Variants in ATP13A5 observed in about 807,000 individuals in gnomAD.
ATP13A5 encodes the protein ATPase 13A5.
A neutral mutation model predicts 150.2 loss-of-function variants in ATP13A5; 149 were observed. That is an observed-to-expected ratio of 0.99 (90% CI 0.87 to 1.14). The LOEUF (loss-of-function observed/expected upper bound fraction) is 1.14, where lower values mean the gene tolerates loss of function less well. Ranked by LOEUF, ATP13A5 falls within the 50% of genes most tolerant of loss-of-function variation. ATP13A5 has a pLI of 0.00. For missense variants in ATP13A5, 1,383 were observed against 1,449.3 expected, an observed-to-expected ratio of 0.95 and a Z score of 0.74; for synonymous variants, 497 against 522.2, an observed-to-expected ratio of 0.95 and a Z score of 0.66.
chr3:193,333,639 T>C (rs1711727662), intron 11 of ATP13A5, 111 bp downstream of exon 11: 2 of 1,124,474 alleles, frequency 1.8e-6, no homozygotes, highest in Non-Finnish European at 2.6e-6. Context: ...TTTTGGACAG[T>C]AATGATTCAC....
intron 21 of ATP13A5, among the ~76,000 whole-genome samples, chr3:193,309,240 A>T (rs1718745107): frequency 6.6e-6 from 1 of 152,210 alleles, no homozygotes; most frequent in South Asian, 2.1e-4. Context: ...GGGGCCAGAT[A>T]AAGGCAAAAT....
At chr3:193,309,002 CA>C (rs1319926638) in intron 21 of ATP13A5, among the ~76,000 whole-genome samples, 2 of 152,134 alleles carry the variant, frequency 1.3e-5, no homozygotes, top group African/African-American at 2.4e-5. Context: ...CAAAATCTAA[CA>C]ATAAAAGGGT....
Position 193,349,449 on chromosome 3 carries a change from G to A in ATP13A5, c.741+1618C>T, listed in dbSNP as rs189415264. 8.5e-5 allele frequency among the ~76,000 whole-genome samples: 13 copies of A among 152,078 alleles called. No homozygotes were observed. The East Asian group carries it at 2.5e-3, about 29-fold the overall frequency. On this transcript the variant is annotated intron_variant, in intron 7 of 29. Transcript: ENST00000342358. ...ACAGGTATTACCTAACTTTGGAAGG[G>A]GAGTTCTTATAAGCAAAACAATAAA...
At chr3:193,299,333 C>G (rs1302195477) in intron 24 of ATP13A5, 130 bp from the exon 25 acceptor site, 11 of 624,118 alleles carry the variant, frequency 1.8e-5, no homozygotes, top group Non-Finnish European at 2.7e-5. Context: ...AAGAAAATGA[C>G]TAACCTAAAA....
chr3:193,307,463 G>A (rs1718662867), intron 21 of ATP13A5, 94 bp from the exon 22 acceptor site: 1 of 1,416,190 alleles, frequency 7.1e-7, no homozygotes, highest in Admixed American at 1.9e-5. Context: ...TGTGATTTGT[G>A]TGTATGTGTG....
intron 9 of ATP13A5, among the ~76,000 whole-genome samples, chr3:193,343,687 A>G (rs553862262): frequency 1.6e-4 from 24 of 150,654 alleles, no homozygotes; most frequent in Non-Finnish European, 2.4e-4. Context: ...TAATTGGTCA[A>G]TTAATCACAT....
In ATP13A5 at chr3:193,279,356, T is replaced by A. The variant is rs78223566; in HGVS notation, c.3315+10A>T. On this transcript the variant is annotated intron_variant, in intron 28 of 29. Transcript: ENST00000342358. ...GAGTCATGCCAGATGTGCAAATGAA[T>A]GCCACTTACCTCCATTCCACGGTAT... 2,057 of 1,606,054 alleles carry A rather than the reference T, an allele frequency of 1.3e-3. 14 individuals carry two copies. In the African/African-American group the frequency reaches 0.023, roughly 18 times the overall value.
Position 193,305,557 on chromosome 3 carries a change from A to G in ATP13A5, c.2678+2T>C. ...GGGCTGGAAGAGGAAAAAATGACTT[A>G]CCTGATGAGATGAGGCACACACTGG... On this transcript the variant is annotated splice_donor_variant, in intron 23 of 29. Transcript: ENST00000342358. LOFTEE classifies it high-confidence loss of function. 1 of 1,612,428 alleles carries G rather than the reference A, an allele frequency of 6.2e-7. No homozygotes were observed.
In ATP13A5 at chr3:193,324,912, G is replaced by A; in HGVS notation, c.1626C>T (p.Thr542=). 1 of 1,614,042 alleles carries A rather than the reference G, an allele frequency of 6.2e-7. No homozygotes were observed. Among genetic ancestry groups the A allele is most frequent in the Non-Finnish European group, 8.5e-7 (1 of 1,179,904 alleles). ...SCHSLILLNG[T]IQGDPLDLKM... ...TGAGGTCCAGAGGGTCTCCCTGGAT[G>A]GTCCCATTGAGAAGGATCAGAGAGT... Residue 542 remains threonine, a synonymous_variant, in exon 14 of 30, where the codon ACC becomes ACT. Transcript: ENST00000342358.
rs1426404177 is a variant in ATP13A5 at position 193,364,335 on chromosome 3, T to C, written c.64-55A>G. ...TTTTTCTTTTCTTCACATAAACATA[T>C]TATTTTCTTTCAATAAACCAAACTT... On this transcript the variant is annotated intron_variant, in intron 1 of 29. Transcript: ENST00000342358. 3 of 1,571,690 alleles carry C rather than the reference T, an allele frequency of 1.9e-6. No individual in the cohort carries two copies. The African/African-American group carries it at 4.1e-5, about 21-fold the overall frequency.
intron 2 of ATP13A5, 104 bp from the exon 3 acceptor site, chr3:193,363,486 C>T (rs1223138630): frequency 1.4e-5 from 15 of 1,043,806 alleles, no homozygotes; most frequent in Middle Eastern, 3.0e-4. Flanking sequence ...CCCAAACAAG[C>T]GCATCAGCTT....
At chr3:193,378,093 T>C (rs1017308008) in intron 1 of ATP13A5, among the ~76,000 whole-genome samples, 2 of 152,040 alleles carry the variant, frequency 1.3e-5, no homozygotes, top group South Asian at 2.1e-4. Flanking sequence ...TGTGTGTGTG[T>C]GTGTGTTTGA....
intron 9 of ATP13A5, 103 bp downstream of exon 9, chr3:193,343,824 A>G (rs536489594): frequency 5.9e-6 from 8 of 1,362,052 alleles, no homozygotes; most frequent in African/African-American, 4.4e-5. Flanking sequence ...TCCCTCACCT[A>G]TCTCTGAATA....
chr3:193,366,860 A>T (rs1713259074), intron 1 of ATP13A5, among the ~76,000 whole-genome samples: 1 of 152,240 alleles, frequency 6.6e-6, no homozygotes, highest in South Asian at 2.1e-4. Flanking sequence ...AAGTATGATG[A>T]CATTACAATT....
intron 1 of ATP13A5, among the ~76,000 whole-genome samples, chr3:193,378,456 C>G (rs1713719597): frequency 6.6e-6 from 1 of 152,180 alleles, no homozygotes; most frequent in African/African-American, 2.4e-5. Context: ...TTCTATCATC[C>G]AGAGGTCACA....
At chr3:193,360,062 T>G (rs1325327694) in intron 5 of ATP13A5, among the ~76,000 whole-genome samples, 1 of 152,236 alleles carries the variant, frequency 6.6e-6, no homozygotes, top group African/African-American at 2.4e-5. Flanking sequence ...TGGGCTCACT[T>G]TTGTGATATA....
chr3:193,276,348 A>G (rs1414874399), intron 29 of ATP13A5, among the ~76,000 whole-genome samples: 1 of 152,220 alleles, frequency 6.6e-6, no homozygotes, highest in African/African-American at 2.4e-5. Flanking sequence ...AGAATAAGCA[A>G]CGGCTTCTCC....
chr3:193,276,871 C>T, intron 28 of ATP13A5, 41 bp from the exon 29 acceptor site: 2 of 1,407,666 alleles, frequency 1.4e-6, no homozygotes, highest in African/African-American at 1.4e-5. Context: ...TTGCACACTT[C>T]ACACTTTGAA....
intron 14 of ATP13A5, among the ~76,000 whole-genome samples, 171 bp downstream of exon 14, chr3:193,324,693 C>A (rs115737148): frequency 2.0e-5 from 3 of 152,290 alleles, no homozygotes; most frequent in Admixed American, 2.0e-4. Flanking sequence ...CATGCAGCAA[C>A]CATTAACAGA....
Sources: allele counts gnomAD v4.1 joint callset (sites outside exome capture counted in the v4.1 genomes callset), GRCh38; gene constraint gnomAD v4.1.1; transcripts MANE v1.5; gene names NCBI Gene and HGNC (gene_info 2026-07-23, HGNC 2026-07-21).